AFF2: variants seen among roughly 807,000 people sequenced by gnomAD.
The protein encoded by AFF2 is ALF transcription elongation factor 2.
A neutral mutation model predicts 76.9 loss-of-function variants in AFF2; 14 were observed. The ratio of observed to expected loss-of-function variants is 0.18; its 90% confidence interval spans 0.12 to 0.28. The LOEUF (loss-of-function observed/expected upper bound fraction) is 0.28, where lower values mean the gene tolerates loss of function less well. AFF2 is among the 10% of genes least tolerant of loss of function. The pLI, the probability that AFF2 is intolerant of heterozygous loss-of-function variation, is 1.00. For synonymous variants in AFF2, 398 were observed against 366.7 expected, an observed-to-expected ratio of 1.09 and a Z score of -0.98; for missense variants, 868 against 1,001.1, an observed-to-expected ratio of 0.87 and a Z score of 1.79.
chrX:148,726,297 G>T (rs2055153948), intron 3 of AFF2, among the ~76,000 whole-genome samples: 1 of 111,761 alleles, frequency 8.9e-6, no homozygotes, highest in East Asian at 2.8e-4. Context: ...CTGGGGTCTG[G>T]TCACACAGGC....
chrX:148,796,238 A>C (rs2069981128), intron 3 of AFF2, among the ~76,000 whole-genome samples: 1 of 109,650 alleles, frequency 9.1e-6, no homozygotes, highest in Non-Finnish European at 1.9e-5. Context: ...CATGAGTGAG[A>C]ATAAATGGAA....
chrX:148,789,032 C>T (rs188614494), intron 3 of AFF2, among the ~76,000 whole-genome samples: 1 of 111,989 alleles, frequency 8.9e-6, no homozygotes, highest in East Asian at 2.8e-4. Context: ...AATTTATTTA[C>T]GGATCTATTA....
chrX:148,906,737 G>A (rs139763845), intron 9 of AFF2, among the ~76,000 whole-genome samples: 1,388 of 111,443 alleles, frequency 0.012, 25 homozygotes, highest in African/African-American at 0.043. Flanking sequence ...TCTGGTCCAT[G>A]TTTGTTCCGG....
intron 3 of AFF2, among the ~76,000 whole-genome samples, chrX:148,770,985 G>C: frequency 8.9e-6 from 1 of 111,815 alleles, no homozygotes. Flanking sequence ...CAAATGTTGT[G>C]ATTCATGCTG....
At chrX:148,745,061 C>T (rs1315231590) in intron 3 of AFF2, among the ~76,000 whole-genome samples, 1 of 111,613 alleles carries the variant, frequency 9.0e-6, no homozygotes, top group Non-Finnish European at 1.9e-5. Context: ...TGCCTGGCTC[C>T]CGAGTTAGGT....
intron 9 of AFF2, among the ~76,000 whole-genome samples, chrX:148,942,834 TAGAAA>T (rs1557285740): frequency 1.2e-4 from 10 of 83,977 alleles, no homozygotes; most frequent in African/African-American, 3.9e-4. Context: ...AAAAAAAAAA[TAGAAA>T]AGAAAAGAAC....
At chrX:148,554,203 G>A (rs2053026215) in intron 1 of AFF2, among the ~76,000 whole-genome samples, 2 of 112,625 alleles carry the variant, frequency 1.8e-5, no homozygotes, top group South Asian at 7.3e-4. Flanking sequence ...TGCAATGACT[G>A]GCTCATTTGC....
chrX:148,500,926 C>A lies in AFF2; in HGVS notation c.-172C>A. ...CCGCTTCCTCGCCGGAGCACAGGACCAGACACCTCCAGCGCCCGCTGCTGC... is the reference window on the plus strand; with the variant it reads ...CCGCTTCCTCGCCGGAGCACAGGACAAGACACCTCCAGCGCCCGCTGCTGC... On this transcript the variant is annotated 5_prime_UTR_variant, in exon 1 of 21. Transcript: ENST00000370460. 1 of 560,157 alleles carries A rather than the reference C, an allele frequency of 1.8e-6. No individual in the cohort carries two copies. The highest frequency in any genetic ancestry group is 2.7e-6 in the Non-Finnish European group (1 of 373,747). The allele number at this position is 560,157 out of a possible 1,213,427, so 46.2% of individuals were successfully genotyped here.
chrX:148,968,137 G>A (rs2072204094), intron 15 of AFF2, among the ~76,000 whole-genome samples: 1 of 111,222 alleles, frequency 9.0e-6, no homozygotes, highest in Admixed American at 9.5e-5. Flanking sequence ...TCAGCTCCTT[G>A]CTGCATTTGA....
chrX:148,526,261 A>T (rs540580206), intron 1 of AFF2, among the ~76,000 whole-genome samples: 12 of 111,049 alleles, frequency 1.1e-4, no homozygotes, highest in African/African-American at 3.9e-4. Context: ...AGGTAATTTT[A>T]GATTCACACA....
intron 1 of AFF2, among the ~76,000 whole-genome samples, chrX:148,543,067 A>G (rs1291336718): frequency 2.7e-5 from 3 of 111,663 alleles, no homozygotes; most frequent in Non-Finnish European, 3.8e-5. Flanking sequence ...TAGAGGGCAG[A>G]GCCAGGACTG....
At chrX:148,762,879 A>G (rs2069469102) in intron 3 of AFF2, among the ~76,000 whole-genome samples, 1 of 111,792 alleles carries the variant, frequency 8.9e-6, no homozygotes, top group Non-Finnish European at 1.9e-5. Context: ...TTGTGTTTAT[A>G]TCCACAAACT....
intron 9 of AFF2, among the ~76,000 whole-genome samples, chrX:148,950,609 A>G (rs2071954173): frequency 9.0e-6 from 1 of 111,576 alleles, no homozygotes; most frequent in East Asian, 2.8e-4. Context: ...TTCTTCCTAT[A>G]CTAATTTCCT....
intron 3 of AFF2, among the ~76,000 whole-genome samples, chrX:148,786,758 A>G (rs1269128525): frequency 8.9e-6 from 1 of 111,890 alleles, no homozygotes; most frequent in Non-Finnish European, 1.9e-5. Context: ...AACTGAACCC[A>G]AACAATCACC....
chrX:148,772,031 C>T (rs1173334178), intron 3 of AFF2, among the ~76,000 whole-genome samples: 2 of 111,565 alleles, frequency 1.8e-5, no homozygotes, highest in African/African-American at 6.5e-5. Flanking sequence ...ACTATTGGCC[C>T]TACAAATGTG....
intron 1 of AFF2, among the ~76,000 whole-genome samples, chrX:148,581,162 C>CACATACATATACGTAT (rs1569551603): frequency 3.5e-5 from 1 of 28,887 alleles, no homozygotes; most frequent in Non-Finnish European, 8.3e-5. Flanking sequence ...TATACGTATA[C>CACATACATATACGTAT]ACACATACAT....
chrX:148,641,117 CT>C (rs199554655), intron 1 of AFF2, among the ~76,000 whole-genome samples: 325 of 107,529 alleles, frequency 3.0e-3, no homozygotes, highest in Middle Eastern at 4.8e-3. Context: ...TTTATTATGT[CT>C]TTTTTTTTTC....
intron 11 of AFF2, among the ~76,000 whole-genome samples, chrX:148,956,882 C>T (rs902596837): frequency 6.2e-5 from 7 of 113,115 alleles, no homozygotes; most frequent in Non-Finnish European, 9.4e-5. Flanking sequence ...AGTCTCCTTA[C>T]TTAGGCAAGG....
chrX:148,875,856 T>G (rs1482129745), intron 7 of AFF2, among the ~76,000 whole-genome samples: 3 of 111,464 alleles, frequency 2.7e-5, no homozygotes, highest in Non-Finnish European at 5.7e-5. Flanking sequence ...ATCAAAATGT[T>G]TCAGCACTCC....
Sources: gnomAD v4.1 joint callset for allele counts (sites outside exome capture counted in the v4.1 genomes callset) on GRCh38, gnomAD v4.1.1 for gene constraint, MANE v1.5 for transcripts, NCBI Gene and HGNC (gene_info 2026-07-23, HGNC 2026-07-21) for gene names.